CHSY3: variants seen among roughly 807,000 people sequenced by gnomAD.
CHSY3 encodes N-acetylgalactosaminyl-proteoglycan 3-beta-glucuronosyltransferase 3.
A neutral mutation model predicts 67.2 loss-of-function variants in CHSY3; 35 were observed. That is an observed-to-expected ratio of 0.52 (90% CI 0.40 to 0.69). The LOEUF is 0.69. Among genes scored for constraint, CHSY3 ranks in the 30% least tolerant of loss-of-function variants. CHSY3 has a pLI of 0.00. For synonymous variants in CHSY3, 474 were observed against 434.7 expected (o/e 1.09, Z -1.12); for missense variants, 1,069 against 1,138.5 (o/e 0.94, Z 0.88).
chr5:130,061,189 G>A (rs544836598), intron 2 of CHSY3, among the ~76,000 whole-genome samples: 8 of 152,212 alleles, frequency 5.3e-5, no homozygotes, highest in South Asian at 2.1e-4. Flanking sequence ...AACTAAAATA[G>A]CATGATACTG....
At position 129,904,774 on chromosome 5, in the gene CHSY3, A is replaced by G. The variant is rs890720490; in HGVS notation, c.-56A>G. On this transcript the variant is annotated 5_prime_UTR_variant, in exon 1 of 3. Transcript: ENST00000305031. ...GAGGAGGGGCGGGTGTGAGCCGGGG[A>G]AACCGCGTGCCGCGCCGCGACAGCC... is the stretch of plus-strand genomic sequence containing the variant. 8 of 1,306,808 alleles carry G rather than the reference A, an allele frequency of 6.1e-6. No individual in the cohort carries two copies. The highest frequency in any genetic ancestry group is 3.1e-5 in the East Asian group (1 of 32,162). 81.0% of individuals were successfully genotyped at this position (1,306,808 alleles called of 1,614,324 possible). A position where few individuals can be genotyped will look rare whatever the true frequency, so the allele number is the denominator to read the frequency against.
intron 2 of CHSY3, among the ~76,000 whole-genome samples, chr5:129,973,080 CTCTTT>C (rs1762691364): frequency 6.6e-6 from 1 of 152,010 alleles, no homozygotes. Context: ...CCCTCAATAA[CTCTTT>C]CATTAAATTG....
chr5:129,939,622 T>G (rs1031839886), intron 2 of CHSY3, among the ~76,000 whole-genome samples: 1 of 152,208 alleles, frequency 6.6e-6, no homozygotes, highest in Non-Finnish European at 1.5e-5. Context: ...ATATGGAAAG[T>G]CTTGTCTATC....
At chr5:130,042,731 A>G (rs1245246465) in intron 2 of CHSY3, among the ~76,000 whole-genome samples, 1 of 152,118 alleles carries the variant, frequency 6.6e-6, no homozygotes, top group Non-Finnish European at 1.5e-5. Flanking sequence ...CCAAAGTGGT[A>G]CATTATTCTT....
chr5:130,002,952 T>C (rs1017861128), intron 2 of CHSY3, among the ~76,000 whole-genome samples: 2 of 152,182 alleles, frequency 1.3e-5, no homozygotes, highest in African/African-American at 4.8e-5. Flanking sequence ...AATTACTATT[T>C]CTGTTTGTGT....
Position 129,904,994 on chromosome 5 carries a change from C to A in CHSY3, c.165C>A (p.Pro55=). 2.6e-6 allele frequency: 4 copies of A among 1,567,842 alleles called. No homozygotes were observed. The highest frequency in any genetic ancestry group is 1.2e-5 in the South Asian group (1 of 86,432). ...ACTACGGTCGCTCTGCTGCTGGCCC[C>A]CGCGCCGGCGCTCAGCAGCCGCTCC... ...CSYYGRSAAG[P]RAGAQQPLPQ... is the part of the protein sequence containing the mutation. Residue 55 remains proline, a synonymous_variant, in exon 1 of 3, where the codon CCC becomes CCA. Coordinates refer to ENST00000305031, the MANE Select transcript of CHSY3 (RefSeq NM_175856.5).
At chr5:130,171,847 T>A (rs544287127) in intron 2 of CHSY3, among the ~76,000 whole-genome samples, 287 of 152,320 alleles carry the variant, frequency 1.9e-3, no homozygotes, top group Non-Finnish European at 3.0e-3. Flanking sequence ...GAGCTGAAAT[T>A]GCAACTTCAC....
chr5:130,136,182 G>GATTTTA (rs1387854753), intron 2 of CHSY3, among the ~76,000 whole-genome samples: 1 of 152,184 alleles, frequency 6.6e-6, no homozygotes, highest in Non-Finnish European at 1.5e-5. Context: ...GGTAATGCTT[G>GATTTTA]ATTTTAATTT....
At chr5:129,947,670 C>T (rs567861464) in intron 2 of CHSY3, among the ~76,000 whole-genome samples, 29 of 151,944 alleles carry the variant, frequency 1.9e-4, no homozygotes, top group South Asian at 1.0e-3. Flanking sequence ...TGGGTGGGGG[C>T]ACAGCCAAAC....
chr5:130,107,575 C>A (rs114347743), intron 2 of CHSY3, among the ~76,000 whole-genome samples: 250 of 151,528 alleles, frequency 1.6e-3, no homozygotes, highest in African/African-American at 5.8e-3. Flanking sequence ...CATACATATA[C>A]CACTTTTGCA....
chr5:130,133,141 T>C (rs1768536302), intron 2 of CHSY3, among the ~76,000 whole-genome samples: 1 of 152,134 alleles, frequency 6.6e-6, no homozygotes, highest in South Asian at 2.1e-4. Flanking sequence ...TGTATACTAA[T>C]TTACAAAAAG....
At chr5:129,927,805 T>A (rs1761166744) in intron 2 of CHSY3, among the ~76,000 whole-genome samples, 1 of 152,016 alleles carries the variant, frequency 6.6e-6, no homozygotes, top group Admixed American at 6.6e-5. Flanking sequence ...TACAGGAACA[T>A]TTTTTTAAAG....
intron 2 of CHSY3, among the ~76,000 whole-genome samples, chr5:130,133,967 C>T (rs968796744): frequency 1.3e-5 from 2 of 152,140 alleles, no homozygotes; most frequent in South Asian, 4.1e-4. Flanking sequence ...ATTATTCTAA[C>T]AACAGTTATT....
intron 2 of CHSY3, among the ~76,000 whole-genome samples, chr5:129,913,780 T>C (rs1362755917): frequency 6.6e-6 from 1 of 152,212 alleles, no homozygotes; most frequent in Non-Finnish European, 1.5e-5. Context: ...CAGGGTTCTA[T>C]GTTGGTAAAA....
intron 2 of CHSY3, among the ~76,000 whole-genome samples, chr5:130,064,698 C>G (rs769905133): frequency 7.9e-5 from 12 of 152,156 alleles, no homozygotes; most frequent in Admixed American, 3.3e-4. Flanking sequence ...AGAGAATTCT[C>G]AAGAGCAAGG....
intron 2 of CHSY3, among the ~76,000 whole-genome samples, chr5:130,129,339 T>C (rs1375751943): frequency 6.6e-6 from 1 of 152,152 alleles, no homozygotes; most frequent in East Asian, 1.9e-4. Flanking sequence ...GGTGGTAACA[T>C]GATGTGCCAG....
chr5:130,161,115 AGGAT>A (rs1279613378), intron 2 of CHSY3, among the ~76,000 whole-genome samples: 1 of 151,954 alleles, frequency 6.6e-6, no homozygotes, highest in African/African-American at 2.4e-5. Flanking sequence ...CATGTTAGCC[AGGAT>A]GGTCTCGATC....
At chr5:129,944,393 G>A (rs955821376) in intron 2 of CHSY3, among the ~76,000 whole-genome samples, 3 of 151,976 alleles carry the variant, frequency 2.0e-5, no homozygotes, top group Admixed American at 6.6e-5. Flanking sequence ...GACAATTAAC[G>A]AATTTTTTTT....
intron 2 of CHSY3, among the ~76,000 whole-genome samples, chr5:129,983,031 C>A (rs1763066400): frequency 6.6e-6 from 1 of 151,990 alleles, no homozygotes; most frequent in African/African-American, 2.4e-5. Context: ...TTAAGCTAAC[C>A]AGTTTGTAAC....
Sources: gnomAD v4.1 joint callset for allele counts (sites outside exome capture counted in the v4.1 genomes callset) on GRCh38, gnomAD v4.1.1 for gene constraint, MANE v1.5 for transcripts, NCBI Gene and HGNC (gene_info 2026-07-23, HGNC 2026-07-21) for gene names.